The following SRD5A2 variants were observed in gnomAD, a reference collection of about 807,000 sequenced individuals.
SRD5A2 encodes the protein steroid 5 alpha-reductase 2.
In SRD5A2, 30 loss-of-function variants were observed where a neutral mutation model predicts 27.4. That is an observed-to-expected ratio of 1.10 (90% CI 0.82 to 1.49). The LOEUF is 1.49. SRD5A2 is among the 40% of genes most tolerant of loss of function. SRD5A2 has a pLI of 0.00. For synonymous variants in SRD5A2, 141 were observed against 133.6 expected, an observed-to-expected ratio of 1.06 and a Z score of -0.38; for missense variants, 348 against 323.4, an observed-to-expected ratio of 1.08 and a Z score of -0.58.
intron 1 of SRD5A2, among the ~76,000 whole-genome samples, chr2:31,549,099 TA>T (rs1484996512): frequency 6.9e-6 from 1 of 145,170 alleles, no homozygotes; most frequent in Non-Finnish European, 1.5e-5. Context: ...TTATTATTAT[TA>T]TTATTATTAT....
At position 31,526,041 on chromosome 2, in the gene SRD5A2, G is replaced by A; in HGVS notation, c.*155C>T. 1.8e-6 allele frequency: 1 copy of A among 564,832 alleles called. No individual in the cohort carries two copies. The highest frequency in any genetic ancestry group is 2.6e-5 in the South Asian group (1 of 38,522). 35.0% of individuals were successfully genotyped at this position (564,832 alleles called of 1,614,324 possible). On this transcript the variant is annotated 3_prime_UTR_variant, in exon 5 of 5. Transcript: ENST00000622030. ...GAAGGGTAGGAGTAAACTCTAAGCAGACACCACTCAGAATCCCCAGGCCAG... is the reference window on the plus strand; with the variant it reads ...GAAGGGTAGGAGTAAACTCTAAGCAAACACCACTCAGAATCCCCAGGCCAG...
chr2:31,565,620 T>G (rs1027736341), intron 1 of SRD5A2, among the ~76,000 whole-genome samples: 2 of 151,898 alleles, frequency 1.3e-5, no homozygotes, highest in African/African-American at 2.4e-5. Flanking sequence ...TAAAGAAGAT[T>G]GTTTCATCAC....
chr2:31,584,722 A>G (rs149415705), upstream of SRD5A2, among the ~76,000 whole-genome samples: 679 of 152,324 alleles, frequency 4.5e-3, 3 homozygotes, highest in African/African-American at 0.016. Context: ...GAAGAGATGT[A>G]TAGTACTATG....
At chr2:31,529,193 C>T (rs1335165416) in intron 4 of SRD5A2, 114 bp downstream of exon 4, 23 of 1,422,768 alleles carry the variant, frequency 1.6e-5, no homozygotes, top group Non-Finnish European at 2.1e-5. Flanking sequence ...TAGTATCAAC[C>T]TTCCCTTAAA....
At chr2:31,577,782 G>A (rs572642735) in intron 1 of SRD5A2, among the ~76,000 whole-genome samples, 13 of 151,944 alleles carry the variant, frequency 8.6e-5, no homozygotes, top group Non-Finnish European at 1.3e-4. Context: ...CTTAAGCCTC[G>A]AAACAGATAT....
At chr2:31,564,576 T>C (rs1666691631) in intron 1 of SRD5A2, among the ~76,000 whole-genome samples, 1 of 151,868 alleles carries the variant, frequency 6.6e-6, no homozygotes, top group Non-Finnish European at 1.5e-5. Flanking sequence ...ATAAGAAATA[T>C]AAATACACCA....
intron 1 of SRD5A2, among the ~76,000 whole-genome samples, chr2:31,537,985 G>T (rs1327384805): frequency 6.6e-6 from 1 of 152,156 alleles, no homozygotes; most frequent in Non-Finnish European, 1.5e-5. Flanking sequence ...GTGTGAAATA[G>T]ATTTCTGCTC....
At chr2:31,655,171 G>A in the SRD5A2 span, among the ~76,000 whole-genome samples, 1 of 151,814 alleles carries the variant, frequency 6.6e-6, no homozygotes, top group Non-Finnish European at 1.5e-5. Flanking sequence ...GCATGATCTC[G>A]ACTCACTGCA....
At chr2:31,644,750 A>C in the SRD5A2 span, among the ~76,000 whole-genome samples, 1 of 152,238 alleles carries the variant, frequency 6.6e-6, no homozygotes, top group South Asian at 2.1e-4. Context: ...TGCTGATTGC[A>C]TCATCATAAT....
chr2:31,635,921 A>T, the SRD5A2 span, among the ~76,000 whole-genome samples: 1 of 151,988 alleles, frequency 6.6e-6, no homozygotes, highest in Admixed American at 6.6e-5. Flanking sequence ...GTCTATTTTT[A>T]TGCCAATTCT....
At chr2:31,589,928 C>T in the SRD5A2 span, among the ~76,000 whole-genome samples, 1 of 152,088 alleles carries the variant, frequency 6.6e-6, no homozygotes, top group Non-Finnish European at 1.5e-5. Flanking sequence ...GTTGGAGGGG[C>T]ATGGCGGGAG....
In SRD5A2 at chr2:31,523,286, G is replaced by A. The variant is rs943005152; in HGVS notation, c.*2910C>T. 4.6e-6 allele frequency: 1 copy of A among 215,100 alleles called. No individual in the cohort carries two copies. Among genetic ancestry groups the A allele is most frequent in the Non-Finnish European group, 9.4e-6 (1 of 106,516 alleles). 13.3% of individuals were successfully genotyped at this position (215,100 alleles called of 1,614,324 possible). On this transcript the variant is annotated 3_prime_UTR_variant, in exon 5 of 5. Coordinates refer to ENST00000622030, the MANE Select transcript of SRD5A2 (RefSeq NM_000348.4). The stretch of plus-strand genomic sequence containing the variant: ...AAGCCTCACACACAAACAGGCATGG[G>A]ACAATAGGTGTATAAACTGAACTAT...
the SRD5A2 span, among the ~76,000 whole-genome samples, chr2:31,661,951 T>G: frequency 6.6e-6 from 1 of 152,178 alleles, no homozygotes; most frequent in African/African-American, 2.4e-5. Context: ...ACTAATCTCA[T>G]CCAATTTTTT....
the SRD5A2 span, among the ~76,000 whole-genome samples, chr2:31,620,534 T>C: frequency 6.6e-6 from 1 of 152,034 alleles, no homozygotes; most frequent in South Asian, 2.1e-4. Flanking sequence ...ACTTCTTTTT[T>C]TTAATGTGAC....
intron 1 of SRD5A2, among the ~76,000 whole-genome samples, chr2:31,569,227 T>C (rs1319339011): frequency 1.3e-5 from 2 of 152,244 alleles, no homozygotes; most frequent in Non-Finnish European, 1.5e-5. Context: ...CTACCACCAT[T>C]TGTATGAACA....
the SRD5A2 span, among the ~76,000 whole-genome samples, chr2:31,631,329 T>C: frequency 3.0e-3 from 461 of 152,232 alleles, 3 homozygotes; most frequent in African/African-American, 0.011. Flanking sequence ...GCTACATCAG[T>C]GAGCATAACT....
intron 1 of SRD5A2, among the ~76,000 whole-genome samples, chr2:31,554,758 T>G (rs7602349): frequency 0.049 from 7,418 of 152,250 alleles, 222 homozygotes; most frequent in Middle Eastern, 0.11. Flanking sequence ...CTTTAAACAT[T>G]CCTTCCATTA....
intron 1 of SRD5A2, among the ~76,000 whole-genome samples, chr2:31,571,580 T>C (rs1201152732): frequency 6.6e-6 from 1 of 152,030 alleles, no homozygotes; most frequent in African/African-American, 2.4e-5. Flanking sequence ...AGAGTAAACA[T>C]GCAACTTACA....
At chr2:31,588,030 G>A in the SRD5A2 span, among the ~76,000 whole-genome samples, 3 of 152,172 alleles carry the variant, frequency 2.0e-5, no homozygotes, top group African/African-American at 7.2e-5. Context: ...AAGAATTAGT[G>A]AGCTTGAAGA....
Sources: gnomAD v4.1 joint callset for allele counts (sites outside exome capture counted in the v4.1 genomes callset) on GRCh38, gnomAD v4.1.1 for gene constraint, MANE v1.5 for transcripts, NCBI Gene and HGNC (gene_info 2026-07-23, HGNC 2026-07-21) for gene names.